SKIC3: variants seen among roughly 807,000 people sequenced by gnomAD.
The protein encoded by SKIC3 is superkiller complex protein 3.
At chr5:95,543,120 G>T in the SKIC3 span, 1 of 1,586,150 alleles carries the variant, frequency 6.3e-7, no homozygotes. Flanking sequence ...GTTGAAACCT[G>T]TATTTTGAAA....
chr5:95,485,969 T>C, the SKIC3 span, among the ~76,000 whole-genome samples: 6 of 152,092 alleles, frequency 3.9e-5, no homozygotes, highest in African/African-American at 1.4e-4. Flanking sequence ...AGGGAAAGGA[T>C]AGGAAAGAGA....
chr5:95,523,097 T>C, the SKIC3 span: 1 of 1,469,042 alleles, frequency 6.8e-7, no homozygotes, highest in Non-Finnish European at 9.4e-7. Flanking sequence ...GTAATTTTGT[T>C]ATTTCTTCTC....
chr5:95,506,083 G>T, the SKIC3 span, among the ~76,000 whole-genome samples: 4 of 152,112 alleles, frequency 2.6e-5, no homozygotes, highest in African/African-American at 9.7e-5. Flanking sequence ...TCTGTCCTCT[G>T]CTTCAACAAA....
the SKIC3 span, chr5:95,482,512 T>G: frequency 2.5e-6 from 4 of 1,614,042 alleles, no homozygotes; most frequent in Non-Finnish European, 3.4e-6. Context: ...ACATGACTGT[T>G]TTTTGTAGTT....
the SKIC3 span, among the ~76,000 whole-genome samples, chr5:95,531,909 C>A: frequency 2.6e-5 from 4 of 152,070 alleles, no homozygotes; most frequent in Non-Finnish European, 5.9e-5. Context: ...AATCTTGTGA[C>A]GATCCTTTAA....
chr5:95,491,528 A>T, the SKIC3 span, among the ~76,000 whole-genome samples: 6 of 152,218 alleles, frequency 3.9e-5, no homozygotes, highest in Non-Finnish European at 7.3e-5. Flanking sequence ...TCACTTCATC[A>T]TTCCAAGTGA....
chr5:95,523,568 A>G, the SKIC3 span: 1 of 1,449,356 alleles, frequency 6.9e-7, no homozygotes, highest in Non-Finnish European at 9.3e-7. Context: ...AACTAATGAT[A>G]ACTTTCAAGT....
At chr5:95,497,731 A>C in the SKIC3 span, among the ~76,000 whole-genome samples, 1 of 152,252 alleles carries the variant, frequency 6.6e-6, no homozygotes, top group Non-Finnish European at 1.5e-5. Context: ...TCATGAGATA[A>C]TTAAGAAAAG....
At chr5:95,516,048 T>C in the SKIC3 span, among the ~76,000 whole-genome samples, 1 of 152,164 alleles carries the variant, frequency 6.6e-6, no homozygotes. Flanking sequence ...GGACTTCTCT[T>C]ACATGTGTAC....
the SKIC3 span, chr5:95,498,412 C>T: frequency 8.6e-5 from 139 of 1,614,046 alleles, no homozygotes; most frequent in Admixed American, 7.3e-4. Context: ...AGCCACACTG[C>T]GGCCTTGGAG....
chr5:95,554,550 T>C, the SKIC3 span, among the ~76,000 whole-genome samples: 1 of 152,202 alleles, frequency 6.6e-6, no homozygotes, highest in Admixed American at 6.5e-5. Flanking sequence ...CAGCTATGCT[T>C]TCCCCTGCCT....
chr5:95,517,952 C>T, the SKIC3 span, among the ~76,000 whole-genome samples: 1 of 151,742 alleles, frequency 6.6e-6, no homozygotes. Context: ...GGTTCAGTCC[C>T]ATTTTTTTTC....
At chr5:95,531,378 G>A in the SKIC3 span, among the ~76,000 whole-genome samples, 2 of 152,156 alleles carry the variant, frequency 1.3e-5, no homozygotes, top group African/African-American at 2.4e-5. Context: ...ATACTACTTT[G>A]ATTAGTAAGC....
At chr5:95,486,681 G>A in the SKIC3 span, among the ~76,000 whole-genome samples, 118 of 152,282 alleles carry the variant, frequency 7.7e-4, no homozygotes, top group South Asian at 0.024. Context: ...TAGTATTTGA[G>A]CACTCCTCTG....
chr5:95,494,569 G>A, the SKIC3 span: 1 of 1,112,726 alleles, frequency 9.0e-7, no homozygotes, highest in Non-Finnish European at 1.3e-6. Flanking sequence ...TTTTTGTCTG[G>A]TATAAACAAT....
the SKIC3 span, among the ~76,000 whole-genome samples, chr5:95,475,119 G>A: frequency 6.6e-6 from 1 of 152,160 alleles, no homozygotes; most frequent in Non-Finnish European, 1.5e-5. Flanking sequence ...CTTCAGATTG[G>A]TTAAGAACCA....
chr5:95,492,594 G>T, the SKIC3 span, among the ~76,000 whole-genome samples: 1 of 99,478 alleles, frequency 1.0e-5, no homozygotes, highest in Non-Finnish European at 2.0e-5. Context: ...CCGAGATCCC[G>T]CCACTGCACT....
At chr5:95,546,910 T>C in the SKIC3 span, 2 of 730,316 alleles carry the variant, frequency 2.7e-6, no homozygotes. Context: ...TCCTGCTAAC[T>C]AGAGGTTAAA....
chr5:95,514,647 A>C, the SKIC3 span, among the ~76,000 whole-genome samples: 5 of 152,174 alleles, frequency 3.3e-5, no homozygotes, highest in African/African-American at 1.2e-4. Context: ...TATTTCCACA[A>C]CTATAAAGAG....
Sources: allele counts gnomAD v4.1 joint callset (sites outside exome capture counted in the v4.1 genomes callset), GRCh38; gene constraint gnomAD v4.1.1; transcripts MANE v1.5; gene names NCBI Gene and HGNC (gene_info 2026-07-23, HGNC 2026-07-21).